ABCB5: variants seen among roughly 807,000 people sequenced by gnomAD.
The protein encoded by ABCB5 is ATP binding cassette subfamily B member 5.
ABCB5 carries 155 observed loss-of-function variants against 144.2 expected under a neutral mutation model. The ratio of observed to expected loss-of-function variants is 1.08; its 90% CI spans 0.94 to 1.23. The LOEUF is 1.23. Ranked by LOEUF, ABCB5 falls within the 50% of genes most tolerant of loss-of-function variation. The probability of loss-of-function intolerance (pLI) is 0.00; values close to 1 mark genes in which losing one functional copy is unlikely to be tolerated. For synonymous variants in ABCB5, 610 were observed against 528.6 expected, an observed-to-expected ratio of 1.15 and a Z score of -2.11; for missense variants, 1,830 against 1,520.8, an observed-to-expected ratio of 1.20 and a Z score of -3.38.
At chr7:20,730,474 A>T (rs953065601) in intron 23 of ABCB5, among the ~76,000 whole-genome samples, 5 of 152,196 alleles carry the variant, frequency 3.3e-5, no homozygotes, top group Non-Finnish European at 5.9e-5. Flanking sequence ...ACACCACTGC[A>T]CTCTAGCCTG....
rs879935890 is a variant in ABCB5 at position 20,678,400 on chromosome 7, A to C, written c.1708-3105A>C. ...AAGAGGGAAAACCACACTGGGTTTT[A>C]GTACCAGTCCTTCCAGTGACTGGCT... is the stretch of plus-strand genomic sequence containing the variant. On this transcript the variant is annotated intron_variant, in intron 14 of 27. Coordinates refer to ENST00000404938, the MANE Select transcript of ABCB5 (RefSeq NM_001163941.2). Among the ~76,000 whole-genome samples, 8 of 152,230 alleles carry C rather than the reference A, an allele frequency of 5.3e-5. 1 individual carries two copies. The highest frequency in any genetic ancestry group is 3.8e-4 in the East Asian group (2 of 5,202).
At chr7:20,745,166 C>A in intron 25 of ABCB5, 66 bp from the exon 26 acceptor site, 1 of 1,462,184 alleles carries the variant, frequency 6.8e-7, no homozygotes, top group Non-Finnish European at 9.6e-7. Flanking sequence ...TGTTTGAATA[C>A]AGTGAACTGT....
At chr7:20,723,281 G>T in intron 21 of ABCB5, 62 bp downstream of exon 21, 1 of 1,504,444 alleles carries the variant, frequency 6.6e-7, no homozygotes, top group Non-Finnish European at 9.2e-7. Flanking sequence ...AGAACTTTAT[G>T]ATATGTTAAC....
intron 20 of ABCB5, among the ~76,000 whole-genome samples, chr7:20,711,988 C>G (rs1787090055): frequency 7.1e-6 from 1 of 140,598 alleles, no homozygotes; most frequent in Non-Finnish European, 1.5e-5. Context: ...GCCTGTAATC[C>G]CAGCACTTTG....
chr7:20,747,387 A>T (rs1176837742), intron 26 of ABCB5, among the ~76,000 whole-genome samples: 1 of 152,180 alleles, frequency 6.6e-6, no homozygotes, highest in Non-Finnish European at 1.5e-5. Flanking sequence ...TCTCCCGAAT[A>T]GGTGGGATCA....
At chr7:20,723,251 A>C (rs768214061) in intron 21 of ABCB5, 32 bp downstream of exon 21, 2 of 1,601,112 alleles carry the variant, frequency 1.2e-6, no homozygotes, top group South Asian at 1.1e-5. Context: ...CCATCGTAAC[A>C]TTTAAAGAGA....
At chr7:20,668,942 T>C (rs1414210721) in intron 14 of ABCB5, among the ~76,000 whole-genome samples, 7 of 99,612 alleles carry the variant, frequency 7.0e-5, no homozygotes, top group East Asian at 4.6e-4. Context: ...AGGACCCCTC[T>C]GCCCGGCCAG....
In ABCB5 at chr7:20,658,668, C is replaced by A; in HGVS notation, c.1699C>A (p.Leu567Met). 6.2e-7 allele frequency: 1 copy of A among 1,613,860 alleles called. No individual in the cohort carries two copies. The highest frequency in any genetic ancestry group is 8.5e-7 in the Non-Finnish European group (1 of 1,179,946). ...AAGCAAGTCAGCTGTTCAAGCTGCACTGGAGAAGGTAAGTGAGCAGAAACG... is the reference window on the plus strand; with the variant it reads ...AAGCAAGTCAGCTGTTCAAGCTGCAATGGAGAAGGTAAGTGAGCAGAAACG... Reference protein sequence around the residue: ...SESKSAVQAALEKASKGRTTI... With the variant: ...SESKSAVQAAMEKASKGRTTI... Residue 567 changes from leucine to methionine, a missense_variant, in exon 14 of 28, where the codon CTG (leucine) becomes ATG (methionine). By Grantham distance (15) the Leu-to-Met change is conservative. Coordinates refer to ENST00000404938, the MANE Select transcript of ABCB5 (RefSeq NM_001163941.2).
chr7:20,648,982 C>A (rs1000319112), intron 11 of ABCB5, among the ~76,000 whole-genome samples: 3 of 152,176 alleles, frequency 2.0e-5, no homozygotes, highest in African/African-American at 7.2e-5. Flanking sequence ...TTCCTAGGGA[C>A]TTCAGCACCA....
Position 20,653,694 on chromosome 7 carries a change from T to G in ABCB5, c.1536+2071T>G, listed in dbSNP as rs187387627. Among the ~76,000 whole-genome samples the G allele has an allele frequency of 3.8e-4, 58 of 151,734 alleles. No individual in the cohort carries two copies. The East Asian group carries it at 7.8e-3, about 20-fold the overall frequency. On this transcript the variant is annotated intron_variant, in intron 13 of 27. Transcript: ENST00000404938. The stretch of plus-strand genomic sequence containing the variant: ...AGGGCAGCTTGGGCAGCTGGAAAGG[T>G]GATAAGAAATCACCTGTGGCGATGA...
rs1274688949 is a variant in ABCB5 at position 20,659,710 on chromosome 7, G to A, written c.1707+1034G>A. ...TTTTATACTTAGTAACTAGGACAGGGATCTGTATTTAGACTATATTCAAGC... is the reference window on the plus strand; with the variant it reads ...TTTTATACTTAGTAACTAGGACAGGAATCTGTATTTAGACTATATTCAAGC... On this transcript the variant is annotated intron_variant, in intron 14 of 27. Coordinates refer to ENST00000404938, the MANE Select transcript of ABCB5 (RefSeq NM_001163941.2). The A allele has an allele frequency of 9.1e-6, 9 of 986,856 alleles. 1 individual carries two copies. The South Asian group carries it at 3.7e-4, about 41-fold the overall frequency. 61.1% of individuals were successfully genotyped at this position (986,856 alleles called of 1,614,324 possible).
At position 20,681,052 on chromosome 7, in the gene ABCB5, C is replaced by T. The variant is rs201107450; in HGVS notation, c.1708-453C>T. 5.1e-3 allele frequency among the ~76,000 whole-genome samples: 240 copies of T among 47,086 alleles called. 31 individuals are homozygous for T. Among genetic ancestry groups the T allele is most frequent in the African/African-American group, 0.021 (226 of 10,628 alleles). 30.9% of individuals were successfully genotyped at this position (47,086 alleles called of 152,430 possible). On this transcript the variant is annotated intron_variant, in intron 14 of 27. Transcript: ENST00000404938. Reference sequence around the variant, plus strand: ...TTTCTTTCTCTTTCTTTCTTTCTCTCTCTCTCTCTTTCTTTCTTTCTTTCT... The same window carrying T: ...TTTCTTTCTCTTTCTTTCTTTCTCTTTCTCTCTCTTTCTTTCTTTCTTTCT...
At position 20,650,098 on chromosome 7, in the gene ABCB5, G is replaced by A. The variant is rs753417803; in HGVS notation, c.1283G>A (p.Ser428Asn). 5 of 1,613,686 alleles carry A rather than the reference G, an allele frequency of 3.1e-6. No homozygotes were observed. Among genetic ancestry groups the A allele is most frequent in the East Asian group, 2.2e-5 (1 of 44,882 alleles). ...GTCGGTCTCAATGGCAGTGGGAAGA[G>A]TACGGTAGTCCAGCTTCTGCAGAGG... Reference protein sequence around the residue: ...ALVGLNGSGKSTVVQLLQRLY... With the variant: ...ALVGLNGSGKNTVVQLLQRLY... The change falls in exon 12 of 28, where the codon AGT (serine) becomes AAT (asparagine). Residue 428 changes from serine (S) to asparagine (N), a missense_variant. By Grantham distance (46) the Ser-to-Asn change is conservative. Transcript: ENST00000404938.
chr7:20,642,353 T>C (rs536735275), intron 5 of ABCB5, among the ~76,000 whole-genome samples: 3 of 152,328 alleles, frequency 2.0e-5, no homozygotes, highest in Admixed American at 2.0e-4. Flanking sequence ...ATGCACTTCC[T>C]GCTCTTTTTA....
At chr7:20,630,479 A>G (rs1784014548) in intron 4 of ABCB5, among the ~76,000 whole-genome samples, 2 of 152,126 alleles carry the variant, frequency 1.3e-5, no homozygotes, top group Admixed American at 6.6e-5. Context: ...GGATAAACCC[A>G]TTGCTTCCAT....
At chr7:20,661,031 A>G (rs935723565) in intron 14 of ABCB5, among the ~76,000 whole-genome samples, 2 of 152,366 alleles carry the variant, frequency 1.3e-5, no homozygotes, top group Non-Finnish European at 2.9e-5. Context: ...CACTTGGACT[A>G]TTGCAGTAGC....
intron 5 of ABCB5, among the ~76,000 whole-genome samples, chr7:20,639,797 T>G (rs1784253729): frequency 6.6e-6 from 1 of 152,212 alleles, no homozygotes; most frequent in Admixed American, 6.5e-5. Context: ...TCTCCAAATT[T>G]GTTCTTCTTT....
intron 20 of ABCB5, among the ~76,000 whole-genome samples, chr7:20,711,624 G>A (rs929171195): frequency 6.8e-6 from 1 of 148,008 alleles, no homozygotes; most frequent in African/African-American, 2.5e-5. Flanking sequence ...ACCATGTCCA[G>A]TTAATTGTTT....
In ABCB5 at chr7:20,629,779, GAGAAGGAGA is replaced by G. The variant is rs1251447649; in HGVS notation, c.259+947_259+955del. 5.3e-5 allele frequency among the ~76,000 whole-genome samples: 8 copies of G among 150,334 alleles called. No individual in the cohort carries two copies. The East Asian group carries it at 6.0e-4, about 11-fold the overall frequency. ...CTCCATCTCAAAGAAAAAAAAGAAGGAGAAGGAGAAGAAGAAGAAGAAGAAATAATCAAG... is the reference window on the plus strand; with the variant it reads ...CTCCATCTCAAAGAAAAAAAAGAAGGAGAAGAAGAAGAAGAAATAATCAAG... On this transcript the variant is annotated intron_variant, in intron 4 of 27. Coordinates refer to ENST00000404938, the MANE Select transcript of ABCB5 (RefSeq NM_001163941.2).
Sources: gnomAD v4.1 joint callset for allele counts (sites outside exome capture counted in the v4.1 genomes callset) on GRCh38, gnomAD v4.1.1 for gene constraint, MANE v1.5 for transcripts, NCBI Gene and HGNC (gene_info 2026-07-23, HGNC 2026-07-21) for gene names.